Variants in PRKAB1 observed in about 807,000 individuals in gnomAD.
PRKAB1 encodes the protein 5'-AMP-activated protein kinase subunit beta-1.
PRKAB1 carries 18 observed loss-of-function variants against 32.0 expected under a neutral mutation model. The ratio of observed to expected loss-of-function variants is 0.56; its 90% CI spans 0.39 to 0.83. The LOEUF is 0.83. Among genes scored for constraint, PRKAB1 ranks in the 40% least tolerant of loss-of-function variants. The pLI is 0.00. For missense variants in PRKAB1, 263 were observed against 352.6 expected (o/e 0.75, Z 2.03); for synonymous variants, 141 against 141.4 (o/e 1.00, Z 0.02).
In PRKAB1 at chr12:119,668,580, C is replaced by T. The variant is rs376672374; in HGVS notation, c.159+177C>T. 4.6e-5 allele frequency among the ~76,000 whole-genome samples: 7 copies of T among 152,310 alleles called. No homozygotes were observed. The East Asian group carries it at 9.6e-4, about 21-fold the overall frequency. On this transcript the variant is annotated intron_variant, in intron 1 of 6. Transcript: ENST00000229328. ...AAGAGTTCTCTTAGCGGTCCAAGAA[C>T]CTGTGTCTAATTACCAATATGAGAA...
rs568587052 is a variant in PRKAB1, at chr12:119,676,693, G to A, written c.666+23G>A. 51 of 1,610,938 alleles carry A rather than the reference G, an allele frequency of 3.2e-5. No homozygotes were observed. The East Asian group carries it at 8.7e-4, about 28-fold the overall frequency. ...TCCGTAAGTATGTGGGCATCTGCCC[G>A]GACCATCCGCCGTGGGTCATGTTCA... On this transcript the variant is annotated intron_variant, in intron 5 of 6. Coordinates refer to ENST00000229328, the MANE Select transcript of PRKAB1 (RefSeq NM_006253.5).
Position 119,674,530 on chromosome 12 carries a change from G to A in PRKAB1, c.532+76G>A, listed in dbSNP as rs1955409174. 4 of 1,115,800 alleles carry A rather than the reference G, an allele frequency of 3.6e-6. No individual in the cohort carries two copies. Among genetic ancestry groups the A allele is most frequent in the Admixed American group, 2.0e-5 (1 of 50,202 alleles). 69.1% of individuals were successfully genotyped at this position (1,115,800 alleles called of 1,614,324 possible). A position where few individuals can be genotyped will look rare whatever the true frequency, so the allele number is the denominator to read the frequency against. ...GTCTAGACATACTCTTGTTTCTCTTGCCTCTCTTGAGCTGAAGCTGCCCAG... is the reference window on the plus strand; with the variant it reads ...GTCTAGACATACTCTTGTTTCTCTTACCTCTCTTGAGCTGAAGCTGCCCAG... On this transcript the variant is annotated intron_variant, in intron 4 of 6. Transcript: ENST00000229328. The surrounding 1 kb of genome is among the most constrained non-coding windows in gnomAD (Gnocchi z 4.3).
chr12:119,670,228 CA>C (rs1309830598), intron 1 of PRKAB1, among the ~76,000 whole-genome samples: 55 of 152,294 alleles, frequency 3.6e-4, no homozygotes, highest in Middle Eastern at 6.8e-3. Context: ...TTTCAAGGAA[CA>C]AAGTAGGTTT....
In PRKAB1 at chr12:119,673,364, T is replaced by C. The variant is rs117648386; in HGVS notation, c.324-600T>C. Among the ~76,000 whole-genome samples the C allele has an allele frequency of 3.4e-3, 519 of 152,344 alleles. 1 individual carries two copies. The highest frequency in any genetic ancestry group is 8.9e-3 in the South Asian group (43 of 4,830). ...GAACACCTTTAGTGAGTATTCTTGA[T>C]AAAATGAGGGAGAAAGTGTCAGGCC... On this transcript the variant is annotated intron_variant, in intron 2 of 6. Coordinates refer to ENST00000229328, the MANE Select transcript of PRKAB1 (RefSeq NM_006253.5).
rs1201935257 is a variant in PRKAB1 at position 119,672,476 on chromosome 12, G to A, written c.323+12G>A. On this transcript the variant is annotated intron_variant, in intron 2 of 6. Transcript: ENST00000229328. Reference sequence around the variant, plus strand: ...CCCCTCACCAGAAGGTAATTGCCTGGGGAGTGTTCACATATTTGTCTTAAC... The same window carrying A: ...CCCCTCACCAGAAGGTAATTGCCTGAGGAGTGTTCACATATTTGTCTTAAC... The A allele has an allele frequency of 2.6e-6, 4 of 1,550,856 alleles. No homozygotes were observed. The highest frequency in any genetic ancestry group is 2.4e-5 in the South Asian group (2 of 82,728).
intron 2 of PRKAB1, 32 bp from the exon 3 acceptor site, chr12:119,673,932 A>G: frequency 6.3e-7 from 1 of 1,592,862 alleles, no homozygotes; most frequent in Non-Finnish European, 8.6e-7. Flanking sequence ...AGCCCACCCC[A>G]CGGAAGTCCT....
chr12:119,677,772 T>G (rs1374052444), intron 5 of PRKAB1: 2 of 147,090 alleles, frequency 1.4e-5, no homozygotes, highest in East Asian at 2.0e-4. Flanking sequence ...TTTTTTTTTT[T>G]TTTTTTTTTT....
At chr12:119,673,880 C>T (rs1043050693) in intron 2 of PRKAB1, 84 bp from the exon 3 acceptor site, 82 of 1,121,420 alleles carry the variant, frequency 7.3e-5, no homozygotes, top group African/African-American at 6.2e-5. Context: ...TATGTGGAAA[C>T]GTTTTGTTCT....
chr12:119,678,406 G>A (rs1261659410), intron 5 of PRKAB1: 2 of 152,226 alleles, frequency 1.3e-5, no homozygotes, highest in African/African-American at 2.4e-5. Flanking sequence ...AAAATCTACT[G>A]TCTTAGAGAT....
rs1388707768 is a variant in PRKAB1 at position 119,673,907 on chromosome 12, G to A, written c.324-57G>A. Reference sequence around the variant, plus strand: ...TTTTGTTCTGTAGCTGGTTTGGCAAGTAAGCTCGGGGGGCAGCCCACCCCA... The same window carrying A: ...TTTTGTTCTGTAGCTGGTTTGGCAAATAAGCTCGGGGGGCAGCCCACCCCA... On this transcript the variant is annotated intron_variant, in intron 2 of 6. Coordinates refer to ENST00000229328, the MANE Select transcript of PRKAB1 (RefSeq NM_006253.5). 3 of 1,464,540 alleles carry A rather than the reference G, an allele frequency of 2.0e-6. No individual in the cohort carries two copies. The Admixed American group carries it at 5.7e-5, about 28-fold the overall frequency. The allele number at this position is 1,464,540 out of a possible 1,614,324, so 90.7% of individuals were successfully genotyped here.
At chr12:119,676,916 C>G (rs1221974076) in intron 5 of PRKAB1, among the ~76,000 whole-genome samples, 1 of 152,250 alleles carries the variant, frequency 6.6e-6, no homozygotes, top group African/African-American at 2.4e-5. Flanking sequence ...CTGCCTCAGT[C>G]TAAGCCCTGT....
intron 4 of PRKAB1, 137 bp from the exon 5 acceptor site, chr12:119,676,400 C>A: frequency 1.8e-6 from 2 of 1,106,710 alleles, no homozygotes; most frequent in Non-Finnish European, 2.6e-6. Flanking sequence ...CTCTTGGAAC[C>A]AGTGCATCCT....
Position 119,672,387 on chromosome 12 carries a change from T to TCGATGGA in PRKAB1, c.249_255dup (p.Gly86MetfsTer19). 6.2e-7 allele frequency: 1 copy of TCGATGGA among 1,613,056 alleles called. No individual in the cohort carries two copies. Among genetic ancestry groups the TCGATGGA allele is most frequent in the Non-Finnish European group, 8.5e-7 (1 of 1,179,552 alleles). ...CCGCCCAGGCTCGGCCAACGGTGTTTCGATGGACGGGGGGCGGAAAGGAAG... is the reference window on the plus strand; with the variant it reads ...CCGCCCAGGCTCGGCCAACGGTGTTTCGATGGACGATGGACGGGGGGCGGAAAGGAAG... On this transcript the variant is annotated frameshift_variant, in exon 2 of 7. Transcript: ENST00000229328. LOFTEE classifies it high-confidence loss of function.
chr12:119,668,007 T>C (rs1955350676), upstream of PRKAB1: 1 of 513,200 alleles, frequency 1.9e-6, no homozygotes. Context: ...CGGTTTATCT[T>C]CGCGCCCCTT....
At chr12:119,675,129 G>A (rs1004778625) in intron 4 of PRKAB1, among the ~76,000 whole-genome samples, 31 of 152,238 alleles carry the variant, frequency 2.0e-4, no homozygotes, top group African/African-American at 6.8e-4. Context: ...GAAGAGGGTT[G>A]CGATCTAAAG....
chr12:119,672,182 G>T, intron 1 of PRKAB1, 119 bp from the exon 2 acceptor site: 1 of 1,099,984 alleles, frequency 9.1e-7, no homozygotes. Flanking sequence ...CCACTAGTAA[G>T]TTTCCGATCC....
intron 1 of PRKAB1, among the ~76,000 whole-genome samples, chr12:119,669,245 G>GCCACTGAACCCACC (rs1371219588): frequency 5.3e-5 from 8 of 151,516 alleles, no homozygotes; most frequent in Non-Finnish European, 4.4e-5. Context: ...GCAGGCGTGA[G>GCCACTGAACCCACC]CTACGGTGCT....
intron 2 of PRKAB1, among the ~76,000 whole-genome samples, chr12:119,672,863 A>G (rs918735672): frequency 6.6e-6 from 1 of 152,208 alleles, no homozygotes; most frequent in Non-Finnish European, 1.5e-5. Flanking sequence ...TCGTTTCTGT[A>G]AAGAGGGAAT....
upstream of PRKAB1, chr12:119,668,047 T>C (rs1449145888): frequency 1.6e-6 from 1 of 615,592 alleles, no homozygotes; most frequent in Non-Finnish European, 2.6e-6. Flanking sequence ...CCTGGGCAGG[T>C]AAAGCGCGAT....
Sources: allele counts gnomAD v4.1 joint callset (sites outside exome capture counted in the v4.1 genomes callset), GRCh38; gene constraint gnomAD v4.1.1; non-coding constraint Gnocchi (gnomAD v3.1); transcripts MANE v1.5; gene names NCBI Gene and HGNC (gene_info 2026-07-23, HGNC 2026-07-21).